Variants in KIAA1217 observed in about 807,000 individuals in gnomAD.
The protein encoded by KIAA1217 is KIAA1217, also known as sickle tail protein homolog.
Under a neutral mutation model 163.9 loss-of-function variants are expected in KIAA1217, and 88 were observed. The observed-to-expected ratio is 0.54, with a 90% CI of 0.45 to 0.64. The LOEUF (loss-of-function observed/expected upper bound fraction) is 0.64, where lower values mean the gene tolerates loss of function less well. Ranked by LOEUF, KIAA1217 falls within the 30% of genes least tolerant of loss-of-function variation. The pLI is 0.00. For missense variants in KIAA1217, 2,372 were observed against 2,475.0 expected (o/e 0.96, Z 0.88); for synonymous variants, 903 against 923.1 (o/e 0.98, Z 0.39).
chr10:23,818,110 CAT>C (rs71397919), intron 1 of KIAA1217, among the ~76,000 whole-genome samples: 611 of 130,826 alleles, frequency 4.7e-3, no homozygotes, highest in Middle Eastern at 0.015. Context: ...CACACACACA[CAT>C]ATATATATAT....
chr10:24,264,724 T>G (rs774510294), intron 2 of KIAA1217, among the ~76,000 whole-genome samples: 1 of 151,788 alleles, frequency 6.6e-6, no homozygotes, highest in Non-Finnish European at 1.5e-5. Context: ...TTTTCTTAAT[T>G]TAACCTGAAC....
intron 2 of KIAA1217, among the ~76,000 whole-genome samples, chr10:24,108,504 G>C (rs1036019870): frequency 6.6e-6 from 1 of 152,154 alleles, no homozygotes; most frequent in African/African-American, 2.4e-5. Flanking sequence ...TTGTATAATA[G>C]TTAAATGAAT....
At chr10:24,244,562 T>C (rs1230001980) in intron 2 of KIAA1217, among the ~76,000 whole-genome samples, 2 of 15,988 alleles carry the variant, frequency 1.3e-4, no homozygotes. Flanking sequence ...TCTTTCTTTC[T>C]TTTTTTTTTT....
chr10:24,415,144 T>C (rs11597153), intron 3 of KIAA1217, among the ~76,000 whole-genome samples: 102,178 of 143,886 alleles, frequency 0.71, 37,316 homozygotes, highest in African/African-American at 0.89. Flanking sequence ...GATAGAGTCT[T>C]TCTGTTGTCA....
At chr10:23,896,192 A>G (rs1841691239) in intron 1 of KIAA1217, among the ~76,000 whole-genome samples, 1 of 151,672 alleles carries the variant, frequency 6.6e-6, no homozygotes, top group South Asian at 2.1e-4. Context: ...TCAAAGGCAA[A>G]TGGCTCCATA....
At chr10:24,435,189 C>T (rs989263887) in intron 4 of KIAA1217, among the ~76,000 whole-genome samples, 1 of 152,180 alleles carries the variant, frequency 6.6e-6, no homozygotes, top group Non-Finnish European at 1.5e-5. Context: ...TGACACATGC[C>T]TCAAGGTATA....
chr10:24,278,046 C>T (rs552862409), intron 2 of KIAA1217, among the ~76,000 whole-genome samples: 19 of 152,156 alleles, frequency 1.2e-4, no homozygotes, highest in South Asian at 2.1e-4. Flanking sequence ...TCGAGGACGC[C>T]GTCATGGGTG....
intron 9 of KIAA1217, among the ~76,000 whole-genome samples, chr10:24,509,656 C>G: frequency 6.6e-6 from 1 of 152,142 alleles, no homozygotes; most frequent in East Asian, 1.9e-4. Context: ...TTTGGCTCCC[C>G]CAAACTTAAC....
intron 15 of KIAA1217, 43 bp from the exon 16 acceptor site, chr10:24,533,027 T>G: frequency 1.9e-6 from 3 of 1,565,344 alleles, no homozygotes; most frequent in Non-Finnish European, 2.6e-6. Flanking sequence ...TGCTAGCACC[T>G]AGGAGATGTT....
At chr10:24,062,233 A>T (rs1168784232) in intron 2 of KIAA1217, among the ~76,000 whole-genome samples, 2 of 150,060 alleles carry the variant, frequency 1.3e-5, no homozygotes, top group Non-Finnish European at 3.0e-5. Flanking sequence ...GGTGTGCTGC[A>T]CCCATTAACT....
chr10:24,175,865 G>A (rs577630742), intron 2 of KIAA1217, among the ~76,000 whole-genome samples: 1 of 152,070 alleles, frequency 6.6e-6, no homozygotes, highest in Non-Finnish European at 1.5e-5. Flanking sequence ...TTGTCTCACT[G>A]GCCTCAGGAG....
intron 14 of KIAA1217, 97 bp from the exon 15 acceptor site, chr10:24,531,706 CTTGCTCTATGGAGAGAACAGAAAATTT>C: frequency 1.1e-6 from 1 of 918,318 alleles, no homozygotes; most frequent in Non-Finnish European, 1.6e-6. Context: ...ACACTTAATC[CTTGCTCTATGGAGAGAACAGAAAATTT>C]TTAAATCAGA....
chr10:24,043,185 C>T (rs1013300137), intron 2 of KIAA1217, among the ~76,000 whole-genome samples: 1 of 152,048 alleles, frequency 6.6e-6, no homozygotes, highest in Non-Finnish European at 1.5e-5. Context: ...GTAATTTCCC[C>T]CATTGTACCA....
intron 6 of KIAA1217, among the ~76,000 whole-genome samples, chr10:24,490,712 G>A (rs2065995580): frequency 6.6e-6 from 1 of 152,130 alleles, no homozygotes; most frequent in African/African-American, 2.4e-5. Flanking sequence ...ACTTGTATTC[G>A]GTGCTCTGTG....
chr10:24,489,936 C>CT (rs1328592151), intron 6 of KIAA1217, among the ~76,000 whole-genome samples: 3 of 142,698 alleles, frequency 2.1e-5, no homozygotes, highest in African/African-American at 5.1e-5. Context: ...AACACAGATT[C>CT]TTTTTTTTCC....
intron 2 of KIAA1217, among the ~76,000 whole-genome samples, chr10:24,076,345 C>A (rs922938325): frequency 6.6e-6 from 1 of 152,176 alleles, no homozygotes; most frequent in African/African-American, 2.4e-5. Flanking sequence ...CATAGCCTGG[C>A]AGTGTGGCTT....
intron 1 of KIAA1217, among the ~76,000 whole-genome samples, chr10:23,757,763 C>A (rs567679566): frequency 6.6e-6 from 1 of 152,262 alleles, no homozygotes; most frequent in East Asian, 1.9e-4. Context: ...GGTAATGCAC[C>A]TTCCTCGGCT....
chr10:24,484,239 ATATTTTTT>A (rs2065077871), intron 6 of KIAA1217, among the ~76,000 whole-genome samples: 1 of 86,198 alleles, frequency 1.2e-5, no homozygotes, highest in African/African-American at 4.5e-5. Context: ...ATATATATAT[ATATTTTTT>A]TTTTTTTTTT....
At position 24,095,174 on chromosome 10, in the gene KIAA1217, C is replaced by T. The variant is rs565595290; in HGVS notation, c.-171+87800C>T. Among the ~76,000 whole-genome samples, 34 of 152,318 alleles carry T rather than the reference C, an allele frequency of 2.2e-4. 1 individual carries two copies. The Middle Eastern group carries it at 0.01, about 46-fold the overall frequency. ...TGACCAGGAAAGGGAACTCCCTGAC[C>T]CCTTGCGCTTCCCGAGTAAGGCAAT... On this transcript the variant is annotated intron_variant, in intron 2 of 18. Coordinates refer to the KIAA1217 transcript ENST00000376462.
Sources: gnomAD v4.1 joint callset for allele counts (sites outside exome capture counted in the v4.1 genomes callset) on GRCh38, gnomAD v4.1.1 for gene constraint, MANE v1.5 for transcripts, NCBI Gene and HGNC (gene_info 2026-07-23, HGNC 2026-07-21) for gene names.